Variants in NAA16 observed in about 807,000 individuals in gnomAD.
NAA16 encodes the protein NARG1-like protein.
Under a neutral mutation model 110.3 loss-of-function variants are expected in NAA16, and 97 were observed. The observed-to-expected ratio is 0.88, with a 90% CI of 0.75 to 1.04. The LOEUF (loss-of-function observed/expected upper bound fraction) is 1.04. Among genes scored for constraint, NAA16 ranks in the 50% least tolerant of loss-of-function variants. NAA16 has a pLI of 0.00. For missense variants in NAA16, 1,017 were observed against 1,005.1 expected (o/e 1.01, Z -0.16); for synonymous variants, 372 against 330.6 (o/e 1.13, Z -1.36).
At chr13:41,351,061 C>T (rs9590592) in intron 9 of NAA16, among the ~76,000 whole-genome samples, 11,761 of 152,234 alleles carry the variant, frequency 0.077, 543 homozygotes, top group East Asian at 0.2. Flanking sequence ...TTCAATGAGT[C>T]AACATCCAGG....
chr13:41,338,505 A>G (rs560269147), intron 9 of NAA16, among the ~76,000 whole-genome samples: 1 of 152,332 alleles, frequency 6.6e-6, no homozygotes, highest in Admixed American at 6.5e-5. Flanking sequence ...TAAAGCAAGC[A>G]ACAGGAATGC....
intron 9 of NAA16, among the ~76,000 whole-genome samples, chr13:41,341,002 T>G (rs1180119134): frequency 2.0e-4 from 30 of 152,314 alleles, no homozygotes; most frequent in Admixed American, 1.9e-3. Context: ...CTAATTTGAT[T>G]GCACTGTGGT....
intron 8 of NAA16, among the ~76,000 whole-genome samples, chr13:41,335,498 T>C (rs1377956767): frequency 6.6e-6 from 1 of 152,178 alleles, no homozygotes; most frequent in African/African-American, 2.4e-5. Flanking sequence ...ACTGGAAAGG[T>C]TCGGTCTCTG....
Position 41,336,859 on chromosome 13 carries a change from T to G in NAA16, c.1014+103T>G, listed in dbSNP as rs143433411. 78 of 605,476 alleles carry G rather than the reference T, an allele frequency of 1.3e-4. No homozygotes were observed. The African/African-American group carries it at 1.3e-3, about 10-fold the overall frequency. The allele number at this position is 605,476 out of a possible 1,614,324, so 37.5% of individuals were successfully genotyped here. On this transcript the variant is annotated intron_variant, in intron 9 of 19. Transcript: ENST00000379406. Reference sequence around the variant, plus strand: ...CTATTACTTAATCATTTTCTTTGTTTCAGTAATGTTACCTTACTTTCAGTC... The same window carrying G: ...CTATTACTTAATCATTTTCTTTGTTGCAGTAATGTTACCTTACTTTCAGTC...
Position 41,312,309 on chromosome 13 carries a change from A to AGG in NAA16, c.54+730_54+731dup, listed in dbSNP as rs529234152. 3.4e-3 allele frequency among the ~76,000 whole-genome samples: 519 copies of AGG among 152,178 alleles called. 5 individuals carry two copies. Among genetic ancestry groups the AGG allele is most frequent in the African/African-American group, 0.011 (472 of 41,514 alleles). ...CGTGGACTGGCTGGTTTTGCATTTG[A>AGG]GGGGAGCATTTTTACTTTATCGCGG... On this transcript the variant is annotated intron_variant, in intron 1 of 19. Transcript: ENST00000379406.
intron 13 of NAA16, 90 bp from the exon 14 acceptor site, chr13:41,367,349 G>GT: frequency 1.2e-6 from 1 of 860,714 alleles, no homozygotes; most frequent in Non-Finnish European, 1.8e-6. Context: ...TGTTTAAATT[G>GT]TTTTTTGGGC....
rs533640057 is a variant in NAA16 at position 41,373,954 on chromosome 13, G to A, written c.2299+174G>A. 26 of 1,030,458 alleles carry A rather than the reference G, an allele frequency of 2.5e-5. 1 individual carries two copies. Among genetic ancestry groups the A allele is most frequent in the African/African-American group, 1.3e-4 (8 of 59,462 alleles). The allele number at this position is 1,030,458 out of a possible 1,614,324, so 63.8% of individuals were successfully genotyped here. On this transcript the variant is annotated intron_variant, in intron 18 of 19. Transcript: ENST00000379406. The stretch of plus-strand genomic sequence containing the variant: ...TAGGGGAAACAGGGATGGATTCACA[G>A]GATGTAATACCAGATTTAAAGTGAT...
chr13:41,338,517 A>G (rs1351395219), intron 9 of NAA16, among the ~76,000 whole-genome samples: 2 of 152,188 alleles, frequency 1.3e-5, no homozygotes, highest in Non-Finnish European at 2.9e-5. Flanking sequence ...CAGGAATGCT[A>G]TATTATTAGA....
At chr13:41,336,820 A>C in intron 9 of NAA16, 64 bp downstream of exon 9, 1 of 869,730 alleles carries the variant, frequency 1.1e-6, no homozygotes, top group Non-Finnish European at 1.8e-6. Context: ...AAAGATGTCC[A>C]TGTAAATAAT....
intron 9 of NAA16, among the ~76,000 whole-genome samples, chr13:41,345,025 T>C (rs60161913): frequency 0.013 from 2,033 of 152,336 alleles, 39 homozygotes; most frequent in African/African-American, 0.045. Flanking sequence ...TTAATATTTT[T>C]ATCCGCAATT....
intron 9 of NAA16, among the ~76,000 whole-genome samples, chr13:41,343,368 G>A (rs944078678): frequency 3.9e-5 from 6 of 152,120 alleles, no homozygotes; most frequent in African/African-American, 1.4e-4. Context: ...GCGATTACAG[G>A]TGTGAGCCAC....
At chr13:41,335,890 AAATCCATGTCCTTATGTATT>A (rs1457798629) in intron 8 of NAA16, among the ~76,000 whole-genome samples, 1 of 152,052 alleles carries the variant, frequency 6.6e-6, no homozygotes, top group Non-Finnish European at 1.5e-5. Context: ...ATGATTAGGT[AAATCCATGTCCTTATGTATT>A]AGTCCATACT....
chr13:41,365,034 G>T (rs2043182963), intron 13 of NAA16, among the ~76,000 whole-genome samples: 1 of 152,100 alleles, frequency 6.6e-6, no homozygotes, highest in Non-Finnish European at 1.5e-5. Context: ...TCTTGCTTAG[G>T]GGGAGAGAGT....
intron 8 of NAA16, among the ~76,000 whole-genome samples, chr13:41,333,809 G>A (rs1257135679): frequency 1.3e-5 from 2 of 151,680 alleles, no homozygotes; most frequent in South Asian, 2.1e-4. Flanking sequence ...GCAGTATAGG[G>A]TAGGAAATAT....
intron 12 of NAA16, among the ~76,000 whole-genome samples, chr13:41,361,637 T>G (rs1593516366): frequency 1.3e-5 from 2 of 152,354 alleles, no homozygotes; most frequent in Admixed American, 6.5e-5. Flanking sequence ...ATAACTGAGA[T>G]GGCTCCTAAG....
rs746588530 is a variant in NAA16, at chr13:41,336,738, A to G, written c.996A>G (p.Leu332=). The G allele has an allele frequency of 3.8e-6, 6 of 1,599,142 alleles. No homozygotes were observed. The highest frequency in any genetic ancestry group is 1.7e-6 in the Non-Finnish European group (2 of 1,169,710). The change falls in exon 9 of 20, where the codon TTA becomes TTG. Residue 332 remains leucine (L), a synonymous_variant. Coordinates refer to ENST00000379406, the MANE Select transcript of NAA16 (RefSeq NM_024561.5). ...CPPLFTTLKS[L]YYNTEKVSII... ...CCTTGTTTACTACTTTGAAATCTTT[A>G]TATTACAATACAGAAAAGGTAAAAT...
At chr13:41,353,323 T>C (rs2042891263) in intron 9 of NAA16, among the ~76,000 whole-genome samples, 4 of 152,196 alleles carry the variant, frequency 2.6e-5, no homozygotes. Context: ...ACAGATATTC[T>C]AGGTGAGATT....
At chr13:41,360,148 A>C (rs886221029) in intron 12 of NAA16, among the ~76,000 whole-genome samples, 1 of 152,198 alleles carries the variant, frequency 6.6e-6, no homozygotes, top group Non-Finnish European at 1.5e-5. Context: ...AGGCCAAGGT[A>C]GCGATAGGAA....
In NAA16 at chr13:41,374,803, T is replaced by TAGA; in HGVS notation, c.2362_2364dup (p.Arg788dup). 6.2e-7 allele frequency: 1 copy of TAGA among 1,612,204 alleles called. No individual in the cohort carries two copies. Among genetic ancestry groups the TAGA allele is most frequent in the Non-Finnish European group, 8.5e-7 (1 of 1,178,952 alleles). On this transcript the variant is annotated inframe_insertion, in exon 19 of 20. Coordinates refer to ENST00000379406, the MANE Select transcript of NAA16 (RefSeq NM_024561.5). ...AGGAGAAAGCAATTGCTATAGCCAC[T>TAGA]AGACTAGATGAAACTATAAAAGATA...
Sources: gnomAD v4.1 joint callset for allele counts (sites outside exome capture counted in the v4.1 genomes callset) on GRCh38, gnomAD v4.1.1 for gene constraint, MANE v1.5 for transcripts, NCBI Gene and HGNC (gene_info 2026-07-23, HGNC 2026-07-21) for gene names.